The following ADCK1 variants were observed in gnomAD, a reference collection of about 807,000 sequenced individuals.
ADCK1 encodes the protein aarF domain-containing protein kinase 1.
A neutral mutation model predicts 52.3 loss-of-function variants in ADCK1; 41 were observed. That is an observed-to-expected ratio of 0.78 (90% CI 0.61 to 1.02). ADCK1 has a LOEUF of 1.02. ADCK1 is among the 50% of genes least tolerant of loss of function. The probability of loss-of-function intolerance (pLI) is 0.00; values close to 1 mark genes in which losing one functional copy is unlikely to be tolerated. For missense variants in ADCK1, 658 were observed against 679.5 expected (o/e 0.97, Z 0.35); for synonymous variants, 250 against 274.6 (o/e 0.91, Z 0.89).
At chr14:77,882,634 G>A (rs573088402) in intron 4 of ADCK1, among the ~76,000 whole-genome samples, 2 of 152,194 alleles carry the variant, frequency 1.3e-5, no homozygotes, top group Non-Finnish European at 2.9e-5. Flanking sequence ...GGCATCTGGA[G>A]GGGCTGTTTA....
intron 1 of ADCK1, among the ~76,000 whole-genome samples, chr14:77,814,807 C>T (rs2081409622): frequency 6.6e-6 from 1 of 151,532 alleles, no homozygotes; most frequent in African/African-American, 2.4e-5. Context: ...TGAATCTTAC[C>T]CCTAGAGTTG....
At chr14:77,833,185 G>T (rs532597904) in intron 3 of ADCK1, among the ~76,000 whole-genome samples, 1 of 152,320 alleles carries the variant, frequency 6.6e-6, no homozygotes, top group East Asian at 1.9e-4. Context: ...GGCAAGGTGG[G>T]CATGTTCAGG....
chr14:77,801,694 C>T (rs1247175146), intron 1 of ADCK1, among the ~76,000 whole-genome samples: 1 of 152,168 alleles, frequency 6.6e-6, no homozygotes, highest in Non-Finnish European at 1.5e-5. Context: ...AATCCCAGCA[C>T]TTTGGGAGGC....
At chr14:77,852,538 T>C (rs958249615) in intron 3 of ADCK1, among the ~76,000 whole-genome samples, 2 of 150,992 alleles carry the variant, frequency 1.3e-5, no homozygotes, top group Admixed American at 1.3e-4. Flanking sequence ...TTAAAAATAT[T>C]ATGTAGCTTT....
chr14:77,923,516 G>T lies in ADCK1; in HGVS notation c.859-941G>T. ...TCCCAATCCTGTGTTCCCCACCCGT[G>T]GGCCCCAGCTCCTCTCCCCTCTGAC... On this transcript the variant is annotated intron_variant, in intron 7 of 10. Coordinates refer to ENST00000238561, the MANE Select transcript of ADCK1 (RefSeq NM_020421.4). This position sits in a 1 kb window ranked among gnomAD's most constrained non-coding sequence, Gnocchi z 4.3. The T allele has an allele frequency of 6.6e-6, 1 of 152,400 alleles. No homozygotes were observed. Among genetic ancestry groups the T allele is most frequent in the Non-Finnish European group, 1.5e-5 (1 of 68,114 alleles). The allele number at this position is 152,400 out of a possible 1,614,324, so 9.4% of individuals were successfully genotyped here. A position where few individuals can be genotyped will look rare whatever the true frequency, so the allele number is the denominator to read the frequency against.
At chr14:77,921,326 C>CAAAAAAAAAAAAAAAAAAAAAAAAAA (rs756056466) in intron 7 of ADCK1, among the ~76,000 whole-genome samples, 35 of 41,210 alleles carry the variant, frequency 8.5e-4, no homozygotes, top group African/African-American at 1.9e-3. Context: ...GACTCTGTCT[C>CAAAAAAAAAAAAAAAAAAAAAAAAAA]AAAAAAAAAA....
chr14:77,823,900 T>G (rs1440303078), intron 3 of ADCK1, among the ~76,000 whole-genome samples: 3 of 151,134 alleles, frequency 2.0e-5, no homozygotes, highest in African/African-American at 7.3e-5. Flanking sequence ...ATTCATTCAT[T>G]TATTTGTTTA....
intron 1 of ADCK1, among the ~76,000 whole-genome samples, chr14:77,814,788 G>A (rs1467956926): frequency 6.6e-6 from 1 of 150,634 alleles, no homozygotes; most frequent in East Asian, 1.9e-4. Flanking sequence ...TTATTAAAAT[G>A]CACATTCTTG....
At chr14:77,895,381 A>G (rs2083387007) in intron 5 of ADCK1, among the ~76,000 whole-genome samples, 1 of 152,080 alleles carries the variant, frequency 6.6e-6, no homozygotes, top group South Asian at 2.1e-4. Context: ...AAGCAGACAA[A>G]CTCTTTGAAA....
rs1293899591 is a variant in ADCK1, at chr14:77,852,656, AATAAATATATATATAT to A, written c.220-6416_220-6401del. Among the ~76,000 whole-genome samples the A allele has an allele frequency of 3.1e-4, 8 of 26,184 alleles. 1 individual carries two copies. The highest frequency in any genetic ancestry group is 7.2e-4 in the African/African-American group (8 of 11,062). 17.2% of individuals were successfully genotyped at this position (26,184 alleles called of 152,430 possible). ...ATTTCAGCCATTATTTCTTTAAATA[AATAAATATATATATAT>A]ATATATATATATATATATATATATA... is the stretch of plus-strand genomic sequence containing the variant. On this transcript the variant is annotated intron_variant, in intron 3 of 10. Coordinates refer to ENST00000238561, the MANE Select transcript of ADCK1 (RefSeq NM_020421.4).
intron 7 of ADCK1, chr14:77,914,308 T>C: frequency 1.5e-6 from 1 of 672,300 alleles, no homozygotes. Flanking sequence ...TCTTTACTAC[T>C]TTTAGAGTCA....
At chr14:77,858,939 T>G (rs1470923580) in intron 3 of ADCK1, 137 bp from the exon 4 acceptor site, 21 of 740,738 alleles carry the variant, frequency 2.8e-5, no homozygotes, top group Non-Finnish European at 4.6e-5. Context: ...TGTGTGTGTG[T>G]GCGTGTGTGT....
intron 4 of ADCK1, among the ~76,000 whole-genome samples, chr14:77,883,013 A>G (rs1035630755): frequency 7.7e-6 from 1 of 130,562 alleles, no homozygotes; most frequent in Non-Finnish European, 1.5e-5. Context: ...CCCTTCGCAC[A>G]TGTGTGCACA....
At chr14:77,835,765 A>G (rs543429019) in intron 3 of ADCK1, among the ~76,000 whole-genome samples, 6 of 152,268 alleles carry the variant, frequency 3.9e-5, no homozygotes, top group Admixed American at 2.0e-4. Context: ...CCTCCCGAAT[A>G]GCTGGGACTG....
intron 6 of ADCK1, among the ~76,000 whole-genome samples, chr14:77,900,301 C>T (rs113548696): frequency 2.2e-4 from 34 of 152,032 alleles, no homozygotes; most frequent in African/African-American, 5.3e-4. Context: ...TGAAATGGGA[C>T]GGAGGCTGGG....
At chr14:77,831,255 C>T (rs1046805631) in intron 3 of ADCK1, among the ~76,000 whole-genome samples, 1 of 152,096 alleles carries the variant, frequency 6.6e-6, no homozygotes, top group Non-Finnish European at 1.5e-5. Context: ...TGTTTCTTCT[C>T]CTAAATTCCT....
intron 3 of ADCK1, among the ~76,000 whole-genome samples, chr14:77,829,451 C>A (rs1160191279): frequency 6.6e-6 from 1 of 151,048 alleles, no homozygotes; most frequent in Non-Finnish European, 1.5e-5. Flanking sequence ...CACCACCATG[C>A]AGGGCTAATT....
chr14:77,887,874 C>A (rs1044654270), intron 5 of ADCK1, among the ~76,000 whole-genome samples: 3 of 152,210 alleles, frequency 2.0e-5, no homozygotes, highest in African/African-American at 7.2e-5. Flanking sequence ...GGTCAGCAAT[C>A]TGTTTAATTT....
chr14:77,843,178 A>G (rs2082111341), intron 3 of ADCK1, among the ~76,000 whole-genome samples: 1 of 152,070 alleles, frequency 6.6e-6, no homozygotes, highest in Non-Finnish European at 1.5e-5. Context: ...AGGCGTGAGT[A>G]ACCTTGTCTA....
Sources: allele counts gnomAD v4.1 joint callset (sites outside exome capture counted in the v4.1 genomes callset), GRCh38; gene constraint gnomAD v4.1.1; non-coding constraint Gnocchi (gnomAD v3.1); transcripts MANE v1.5; gene names NCBI Gene and HGNC (gene_info 2026-07-23, HGNC 2026-07-21).